Variants in PCDH15 observed in about 807,000 individuals in gnomAD.
The protein encoded by PCDH15 is protocadherin-15.
A neutral mutation model predicts 178.5 loss-of-function variants in PCDH15; 129 were observed. That is an observed-to-expected ratio of 0.72 (90% confidence interval 0.63 to 0.84). The LOEUF (loss-of-function observed/expected upper bound fraction) is 0.84. PCDH15 is among the 40% of genes least tolerant of loss of function. PCDH15 has a pLI of 0.00. For missense variants in PCDH15, 2,230 were observed against 2,099.9 expected (o/e 1.06, Z -1.21); for synonymous variants, 800 against 732.0 (o/e 1.09, Z -1.50).
chr10:54,320,045 T>C (rs1482623076), intron 7 of PCDH15, among the ~76,000 whole-genome samples: 1 of 152,088 alleles, frequency 6.6e-6, no homozygotes, highest in Non-Finnish European at 1.5e-5. Flanking sequence ...ACAAAATGTT[T>C]AAATTTTCAA....
Position 53,921,265 on chromosome 10 carries a change from TG to T in PCDH15, c.3373+17549del, listed in dbSNP as rs566809215. ...TTTTGAGCACTAGTCACAGTATAAATGGAAATTAAAATTCCATTATGACATA... is the reference window on the plus strand; with the variant it reads ...TTTTGAGCACTAGTCACAGTATAAATGAAATTAAAATTCCATTATGACATA... On this transcript the variant is annotated intron_variant, in intron 25 of 37. Coordinates refer to ENST00000644397, the MANE Select transcript of PCDH15 (RefSeq NM_001384140.1). Among the ~76,000 whole-genome samples, 18 of 152,290 alleles carry T rather than the reference TG, an allele frequency of 1.2e-4. No individual in the cohort carries two copies. The South Asian group carries it at 3.7e-3, about 32-fold the overall frequency.
chr10:55,364,576 G>T (rs954787526), intron 2 of PCDH15, among the ~76,000 whole-genome samples: 1 of 151,988 alleles, frequency 6.6e-6, no homozygotes, highest in Non-Finnish European at 1.5e-5. Context: ...CCCTTGTTTG[G>T]TTTTCACAGA....
At chr10:54,108,062 G>A (rs1355317022) in intron 15 of PCDH15, among the ~76,000 whole-genome samples, 1 of 152,174 alleles carries the variant, frequency 6.6e-6, no homozygotes. Flanking sequence ...AAGGGTGTCA[G>A]TAGGACAGCA....
At chr10:54,421,873 T>C (rs112929964) in intron 3 of PCDH15, among the ~76,000 whole-genome samples, 14,642 of 75,968 alleles carry the variant, frequency 0.19, 1,756 homozygotes, top group African/African-American at 0.36. Context: ...ACACACACTA[T>C]ATATATATAT....
At chr10:53,865,273 T>C (rs1282159285) in intron 27 of PCDH15, among the ~76,000 whole-genome samples, 3 of 152,188 alleles carry the variant, frequency 2.0e-5, no homozygotes, top group Non-Finnish European at 4.4e-5. Flanking sequence ...TTATATGATG[T>C]ACTGCTTATT....
intron 3 of PCDH15, among the ~76,000 whole-genome samples, chr10:54,522,075 G>A (rs187437257): frequency 0.024 from 2,642 of 107,944 alleles, 103 homozygotes; most frequent in African/African-American, 0.093. Flanking sequence ...GTGACAGAGT[G>A]AGAATCCATC....
rs138673472 is a variant in PCDH15, at chr10:54,099,713, T to C, written c.1918-9650A>G. ...CAAAGCATTAATTTGATGCCCATTA[T>C]AAACAATATATGTACTGCTAGAAAT... On this transcript the variant is annotated intron_variant, in intron 15 of 37. Transcript: ENST00000644397. Among the ~76,000 whole-genome samples, 566 of 151,758 alleles carry C rather than the reference T, an allele frequency of 3.7e-3. 9 individuals are homozygous for C. Among genetic ancestry groups the C allele is most frequent in the African/African-American group, 0.013 (530 of 41,420 alleles).
chr10:54,364,748 G>GTT (rs1451797464), intron 5 of PCDH15, among the ~76,000 whole-genome samples: 1 of 152,118 alleles, frequency 6.6e-6, no homozygotes, highest in Non-Finnish European at 1.5e-5. Context: ...TCAGTCAGAA[G>GTT]TCAGAGATAG....
intron 1 of PCDH15, among the ~76,000 whole-genome samples, chr10:55,250,804 G>C (rs1212302930): frequency 6.6e-6 from 1 of 151,684 alleles, no homozygotes; most frequent in Non-Finnish European, 1.5e-5. Context: ...CAAAGTGCTG[G>C]GATTACAGGT....
chr10:55,547,160 G>A (rs1841902825), intron 2 of PCDH15, among the ~76,000 whole-genome samples: 1 of 152,160 alleles, frequency 6.6e-6, no homozygotes, highest in African/African-American at 2.4e-5. Context: ...TATGGGTGCT[G>A]CAGCAGATCC....
At chr10:54,622,668 T>A (rs868801316) in intron 2 of PCDH15, among the ~76,000 whole-genome samples, 13 of 89,646 alleles carry the variant, frequency 1.5e-4, no homozygotes, top group East Asian at 3.2e-4. Flanking sequence ...ATAATATATA[T>A]TATATATAAT....
intron 4 of PCDH15, among the ~76,000 whole-genome samples, chr10:54,374,113 G>A (rs1315912714): frequency 6.6e-6 from 1 of 152,094 alleles, no homozygotes; most frequent in Non-Finnish European, 1.5e-5. Context: ...CACTCTGGTT[G>A]TAGAATAGGT....
intron 1 of PCDH15, among the ~76,000 whole-genome samples, chr10:55,311,004 T>TA (rs1444228187): frequency 6.6e-6 from 1 of 152,126 alleles, no homozygotes; most frequent in East Asian, 1.9e-4. Flanking sequence ...TCACAAAACT[T>TA]AAAGTATAAT....
intron 2 of PCDH15, among the ~76,000 whole-genome samples, chr10:55,015,232 A>G (rs1840142075): frequency 6.6e-6 from 1 of 152,086 alleles, no homozygotes; most frequent in South Asian, 2.1e-4. Flanking sequence ...TTTTAAATTT[A>G]TTTGTAATAT....
chr10:54,870,261 A>G (rs781257012), intron 3 of PCDH15, among the ~76,000 whole-genome samples: 1 of 152,188 alleles, frequency 6.6e-6, no homozygotes, highest in Non-Finnish European at 1.5e-5. Context: ...AAGATTATTC[A>G]GCTACCATGC....
At chr10:54,222,156 T>C (rs1164086347) in intron 9 of PCDH15, among the ~76,000 whole-genome samples, 1 of 152,240 alleles carries the variant, frequency 6.6e-6, no homozygotes, top group Non-Finnish European at 1.5e-5. Context: ...TTCATTTATC[T>C]TGAGCAAATA....
chr10:54,796,268 A>ATCTATCTATCTG (rs1554796123), intron 1 of PCDH15, among the ~76,000 whole-genome samples: 9,895 of 120,856 alleles, frequency 0.082, 402 homozygotes, highest in African/African-American at 0.11. Context: ...CTATCTATCT[A>ATCTATCTATCTG]TCTATGTATC....
intron 18 of PCDH15, among the ~76,000 whole-genome samples, chr10:54,025,568 G>A (rs559333354): frequency 5.3e-5 from 8 of 150,504 alleles, no homozygotes; most frequent in Admixed American, 1.3e-4. Flanking sequence ...GTGCGATCTC[G>A]GCTCACTGCA....
At chr10:55,160,913 T>C (rs377703052) in intron 2 of PCDH15, among the ~76,000 whole-genome samples, 3 of 152,294 alleles carry the variant, frequency 2.0e-5, no homozygotes, top group South Asian at 2.1e-4. Context: ...AAGCCTTGCC[T>C]GGTACTTGTA....
Sources: allele counts gnomAD v4.1 joint callset (sites outside exome capture counted in the v4.1 genomes callset), GRCh38; gene constraint gnomAD v4.1.1; transcripts MANE v1.5; gene names NCBI Gene and HGNC (gene_info 2026-07-23, HGNC 2026-07-21).